Variants in HUWE1 observed in about 807,000 individuals in gnomAD.
HUWE1 encodes the protein E3 ubiquitin-protein ligase HUWE1.
Under a neutral mutation model 299.4 loss-of-function variants are expected in HUWE1, and 18 were observed. The observed-to-expected ratio is 0.06, with a 90% CI of 0.04 to 0.09. The LOEUF is 0.09. Among genes scored for constraint, HUWE1 ranks in the 10% least tolerant of loss-of-function variants. The pLI, the probability that HUWE1 is intolerant of heterozygous loss-of-function variation, is 1.00. For missense variants in HUWE1, 1,832 were observed against 3,462.3 expected, an observed-to-expected ratio of 0.53 and a Z score of 11.82; for synonymous variants, 1,317 against 1,286.1, an observed-to-expected ratio of 1.02 and a Z score of -0.51.
At chrX:53,545,294 T>C in intron 70 of HUWE1, 133 bp from the exon 71 acceptor site, 1 of 641,656 alleles carries the variant, frequency 1.6e-6, no homozygotes, top group Middle Eastern at 4.8e-4. Context: ...TGAGCTGGAA[T>C]CGTGCTCTGT....
chrX:53,634,059 A>G (rs782394512), intron 8 of HUWE1, among the ~76,000 whole-genome samples, 177 bp downstream of exon 8: 31 of 112,121 alleles, frequency 2.8e-4, no homozygotes, highest in African/African-American at 1.0e-3. Flanking sequence ...CAAGAGCCCA[A>G]GCACTGCTAG....
intron 23 of HUWE1, among the ~76,000 whole-genome samples, chrX:53,613,195 G>A (rs1337998149): frequency 9.0e-6 from 1 of 111,508 alleles, no homozygotes; most frequent in Non-Finnish European, 1.9e-5. Context: ...ATGAAGATAG[G>A]TTTGCCTTCT....
At chrX:53,640,201 A>C (rs1472198203) in intron 7 of HUWE1, among the ~76,000 whole-genome samples, 1 of 111,861 alleles carries the variant, frequency 8.9e-6, no homozygotes, top group Non-Finnish European at 1.9e-5. Context: ...TCTACAAAAA[A>C]TATAAAAAAT....
In HUWE1 at chrX:53,575,190, G is replaced by A. The variant is rs1556957192; in HGVS notation, c.6062C>T (p.Thr2021Ile). The change falls in exon 46 of 84, where the codon ACT (threonine) becomes ATT (isoleucine). Residue 2021 changes from threonine to isoleucine, a missense_variant. Transcript: ENST00000262854. ...SQVFAADGAS[T>I]ETSASGTSQG... is the part of the protein sequence containing the mutation. ...GGAGGTCCCAGATGCGGAAGTCTCAGTGGAGGCACCATCTGCAGCAAAGAC... is the reference window on the plus strand; with the variant it reads ...GGAGGTCCCAGATGCGGAAGTCTCAATGGAGGCACCATCTGCAGCAAAGAC... 2 of 1,206,579 alleles carry A rather than the reference G, an allele frequency of 1.7e-6. No homozygotes were observed. The highest frequency in any genetic ancestry group is 2.2e-6 in the Non-Finnish European group (2 of 891,349).
At chrX:53,617,307 G>A (rs2065860366) in intron 20 of HUWE1, 33 bp downstream of exon 20, 1 of 1,045,947 alleles carries the variant, frequency 9.6e-7, no homozygotes, top group Non-Finnish European at 1.3e-6. Context: ...CACGCCCTAA[G>A]ACATTCTTTA....
At chrX:53,609,672 T>G (rs782331977) in intron 23 of HUWE1, among the ~76,000 whole-genome samples, 1 of 112,179 alleles carries the variant, frequency 8.9e-6, no homozygotes, top group Non-Finnish European at 1.9e-5. Flanking sequence ...AATCAAAATA[T>G]ACCTCTAAGA....
chrX:53,582,159 G>C (rs1471848076), intron 42 of HUWE1, among the ~76,000 whole-genome samples: 1 of 112,498 alleles, frequency 8.9e-6, no homozygotes, highest in African/African-American at 3.2e-5. Flanking sequence ...TTTACCTAAA[G>C]TTAAAACTTT....
Position 53,543,986 on chromosome X carries a change from A to G in HUWE1, c.11252-18T>C, listed in dbSNP as rs1415850116. The stretch of plus-strand genomic sequence containing the variant: ...GGAGGAACCTGGGAGAAAGAGAAAG[A>G]GGAAGGCAAGATATAAAATATAGGA... On this transcript the variant is annotated intron_variant, in intron 72 of 83. Coordinates refer to ENST00000262854, the MANE Select transcript of HUWE1 (RefSeq NM_031407.7). 8.6e-7 allele frequency: 1 copy of G among 1,167,197 alleles called. No homozygotes were observed. The highest frequency in any genetic ancestry group is 1.8e-5 in the African/African-American group (1 of 56,619).
At chrX:53,633,208 A>T (rs782671237) in intron 8 of HUWE1, among the ~76,000 whole-genome samples, 4 of 112,565 alleles carry the variant, frequency 3.6e-5, no homozygotes, top group African/African-American at 1.3e-4. Context: ...AGATGACAGC[A>T]GAATGCCCAC....
At chrX:53,678,464 T>C (rs1296390793) in intron 3 of HUWE1, among the ~76,000 whole-genome samples, 4 of 111,853 alleles carry the variant, frequency 3.6e-5, no homozygotes, top group South Asian at 3.7e-4. Context: ...CAAGTACTTA[T>C]GAATATCAAC....
chrX:53,684,242 C>A, intron 2 of HUWE1: 1 of 182,995 alleles, frequency 5.5e-6, no homozygotes, highest in Non-Finnish European at 1.0e-5. Context: ...TCGGCGAGAC[C>A]TTCTTAATTC....
chrX:53,626,442 G>C (rs782484728), intron 17 of HUWE1, among the ~76,000 whole-genome samples: 3 of 111,114 alleles, frequency 2.7e-5, no homozygotes, highest in Non-Finnish European at 5.7e-5. Context: ...TCAATATTCC[G>C]ATCTGGAAGA....
intron 4 of HUWE1, among the ~76,000 whole-genome samples, chrX:53,653,335 GC>G (rs1403004336): frequency 9.0e-6 from 1 of 111,607 alleles, no homozygotes; most frequent in African/African-American, 3.3e-5. Flanking sequence ...AAAATTTTCA[GC>G]CCCATTTTGC....
At chrX:53,640,981 A>G (rs1469195396) in intron 7 of HUWE1, among the ~76,000 whole-genome samples, 1 of 111,861 alleles carries the variant, frequency 8.9e-6, no homozygotes, top group African/African-American at 3.3e-5. Flanking sequence ...GGTCCTATAC[A>G]AATAACCAAA....
At chrX:53,542,610 G>A (rs984098895) in intron 73 of HUWE1, 71 bp from the exon 74 acceptor site, 51 of 715,779 alleles carry the variant, frequency 7.1e-5, no homozygotes, top group Admixed American at 1.4e-4. Context: ...CTAGAGGTTG[G>A]CCCTTCCACT....
At position 53,588,452 on chromosome X, in the gene HUWE1, C is replaced by T. The variant is rs1556975337; in HGVS notation, c.4544G>A (p.Ser1515Asn). ...SDTKTVSEWI[S>N]QMATLPQASN... ...GGCCTGGGGCAGTGTGGCCATCTGA[C>T]TTATCCACTCTGACACGGTTTTTGT... The change falls in exon 37 of 84, where the codon AGT (serine) becomes AAT (asparagine). Residue 1515 changes from serine to asparagine, a missense_variant. By Grantham distance (46) the Ser-to-Asn change is conservative. Coordinates refer to ENST00000262854, the MANE Select transcript of HUWE1 (RefSeq NM_031407.7). The T allele has an allele frequency of 8.3e-7, 1 of 1,206,668 alleles. No individual in the cohort carries two copies. The highest frequency in any genetic ancestry group is 1.1e-6 in the Non-Finnish European group (1 of 893,329).
chrX:53,648,550 C>CAAAACAAAAAA (rs2068235674), intron 4 of HUWE1, among the ~76,000 whole-genome samples: 4 of 96,365 alleles, frequency 4.2e-5, no homozygotes, highest in African/African-American at 1.7e-4. Context: ...CAAAAAAAAA[C>CAAAACAAAAAA]AAAAAACAAA....
chrX:53,576,317 A>G (rs2063102200), intron 44 of HUWE1, among the ~76,000 whole-genome samples: 1 of 111,873 alleles, frequency 8.9e-6, no homozygotes, highest in Admixed American at 9.4e-5. Flanking sequence ...TATAATGGAA[A>G]CCTATGTTCC....
chrX:53,648,639 T>G (rs1195577241), intron 4 of HUWE1, among the ~76,000 whole-genome samples: 1 of 61,586 alleles, frequency 1.6e-5, no homozygotes, highest in African/African-American at 7.5e-5. Context: ...AAAACAATAA[T>G]AAGTTAAACA....
Sources: allele counts gnomAD v4.1 joint callset (sites outside exome capture counted in the v4.1 genomes callset), GRCh38; gene constraint gnomAD v4.1.1; transcripts MANE v1.5; gene names NCBI Gene and HGNC (gene_info 2026-07-23, HGNC 2026-07-21).